Variants in ZNF320 observed in about 807,000 individuals in gnomAD.
ZNF320 encodes zinc finger gene 320.
A neutral mutation model predicts 6.8 loss-of-function variants in ZNF320; 2 were observed. The observed-to-expected ratio is 0.29, with a 90% CI of 0.12 to 0.93. The LOEUF (loss-of-function observed/expected upper bound fraction) is 0.93, where lower values mean the gene tolerates loss of function less well. Among genes scored for constraint, ZNF320 ranks in the 40% least tolerant of loss-of-function variants. The pLI is 0.55. For synonymous variants in ZNF320, 208 were observed against 203.2 expected (o/e 1.02, Z -0.20); for missense variants, 472 against 611.0 (o/e 0.77, Z 2.40).
exon 6 of ZNF320, chr19:52,862,840 G>T (rs768630260): frequency 9.4e-5 from 34 of 359,856 alleles, no homozygotes; most frequent in Non-Finnish European, 1.9e-4. Flanking sequence ...CATTTGTAAG[G>T]TTTCTCTCCA....
At chr19:52,875,902 T>C (rs1293335487), downstream of ZNF320, among the ~76,000 whole-genome samples, 3 of 152,104 alleles carry the variant, frequency 2.0e-5, no homozygotes, top group Non-Finnish European at 4.4e-5. Flanking sequence ...CCCAGAAAAA[T>C]CATAGTAATA....
chr19:52,882,988 C>T (rs148125287), intron 5 of ZNF320, among the ~76,000 whole-genome samples: 7 of 151,522 alleles, frequency 4.6e-5, no homozygotes, highest in African/African-American at 1.7e-4. Context: ...ATAACTGTTA[C>T]AAAATTACCT....
chr19:52,881,818 T>G lies in ZNF320; in HGVS notation c.308A>C (p.Glu103Ala). The G allele has an allele frequency of 6.2e-7, 1 of 1,613,926 alleles. No individual in the cohort carries two copies. ...TGCTTCATGGTCATTTGTTTCATCT[T>G]CTTGCCACTGAAACACAAAGTCATG... ...DIHDFVFQWQ[E>A]DETNDHEAPM... The change falls in exon 6 of 6, where the codon GAA becomes GCA. Residue 103 changes from glutamate (E) to alanine (A), a missense_variant. By Grantham distance (107) the Glu-to-Ala change is moderately radical (BLOSUM62 -1). This residue lies in a region of ZNF320 where 462 missense variants were observed against 559.7 expected (regional missense o/e 0.83). Transcript: ENST00000682928.
At chr19:52,896,364 T>C (rs2064472408) in intron 1 of ZNF320, among the ~76,000 whole-genome samples, 1 of 152,228 alleles carries the variant, frequency 6.6e-6, no homozygotes, top group Non-Finnish European at 1.5e-5. Context: ...GTGCTGGGAT[T>C]ACAGGCATGA....
At chr19:52,897,197 G>A (rs898528885) in intron 1 of ZNF320, among the ~76,000 whole-genome samples, 3 of 152,232 alleles carry the variant, frequency 2.0e-5, no homozygotes, top group African/African-American at 4.8e-5. Context: ...CACAAGGAGG[G>A]AGGTGGGGAG....
downstream of ZNF320, among the ~76,000 whole-genome samples, chr19:52,860,013 C>T (rs576750844): frequency 1.3e-5 from 2 of 151,618 alleles, no homozygotes; most frequent in Non-Finnish European, 2.9e-5. Flanking sequence ...CCCGGGTTCA[C>T]GCCATTCTCC....
chr19:52,865,434 T>TTTTATATATATATATA (rs368584132), intron 5 of ZNF320: 2 of 152,784 alleles, frequency 1.3e-5, no homozygotes, highest in African/African-American at 6.3e-5. Context: ...GGTCCAGGCT[T>TTTTATATATATATATA]TATATATATA....
At chr19:52,872,743 T>C (rs11084200), downstream of ZNF320, among the ~76,000 whole-genome samples, 108,496 of 152,000 alleles carry the variant, frequency 0.71, 39,459 homozygotes, top group African/African-American at 0.75. Flanking sequence ...CCTCGTGATC[T>C]GCCTGCCTCG....
intron 5 of ZNF320, among the ~76,000 whole-genome samples, chr19:52,885,041 A>C (rs2064031805): frequency 6.6e-6 from 1 of 151,784 alleles, no homozygotes; most frequent in South Asian, 2.1e-4. Context: ...GCTAAAAAAA[A>C]ATACAAAAAA....
At chr19:52,868,753 G>C (rs567345790) in intron 5 of ZNF320, among the ~76,000 whole-genome samples, 36 of 152,204 alleles carry the variant, frequency 2.4e-4, no homozygotes, top group African/African-American at 8.4e-4. Context: ...TACTACAAGG[G>C]GGATACAAGC....
chr19:52,893,070 G>A (rs945382077), intron 2 of ZNF320, among the ~76,000 whole-genome samples: 2 of 150,458 alleles, frequency 1.3e-5, no homozygotes, highest in Non-Finnish European at 3.0e-5. Context: ...CATCTGTTAT[G>A]GGCCTTTCTC....
At chr19:52,898,513 A>G (rs2064538117), upstream of ZNF320, among the ~76,000 whole-genome samples, 1 of 152,216 alleles carries the variant, frequency 6.6e-6, no homozygotes, top group Non-Finnish European at 1.5e-5. Flanking sequence ...AAGCATTGAC[A>G]TTGTAACAGT....
At chr19:52,865,332 T>A in intron 5 of ZNF320, 1 of 304,252 alleles carries the variant, frequency 3.3e-6, no homozygotes, top group Non-Finnish European at 6.3e-6. Context: ...CAAATATATA[T>A]ATATGGTCTG....
chr19:52,883,335 C>G (rs1408914339), intron 5 of ZNF320, among the ~76,000 whole-genome samples: 1 of 152,186 alleles, frequency 6.6e-6, no homozygotes, highest in African/African-American at 2.4e-5. Context: ...CCTGGGATTA[C>G]AGGCATGAGC....
chr19:52,866,242 A>G (rs1027605331), intron 5 of ZNF320, among the ~76,000 whole-genome samples: 3 of 146,878 alleles, frequency 2.0e-5, no homozygotes, highest in African/African-American at 7.5e-5. Context: ...ACATATATAT[A>G]TATATAAAAT....
In ZNF320 at chr19:52,886,444, A is replaced by G. The variant is rs114714486; in HGVS notation, c.142+1683T>C. Among the ~76,000 whole-genome samples the G allele has an allele frequency of 6.1e-3, 927 of 152,198 alleles. 8 individuals are homozygous for G. The highest frequency in any genetic ancestry group is 0.02 in the African/African-American group (844 of 41,512). On this transcript the variant is annotated intron_variant, in intron 5 of 5. Transcript: ENST00000682928. ...CACTGCACCTGGCCAGGTTATGGAA[A>G]TTTTAAGCTTCATTATTGTGCTATA...
chr19:52,865,209 C>T (rs2063521445), intron 5 of ZNF320, among the ~76,000 whole-genome samples: 1 of 151,508 alleles, frequency 6.6e-6, no homozygotes, highest in Non-Finnish European at 1.5e-5. Context: ...GTAATCCCAG[C>T]TACTGGGGAG....
chr19:52,869,875 CT>C (rs2063648642), intron 5 of ZNF320, among the ~76,000 whole-genome samples: 1 of 152,074 alleles, frequency 6.6e-6, no homozygotes, highest in African/African-American at 2.4e-5. Context: ...GCCACCACAT[CT>C]GGCTAATGTT....
chr19:52,874,262 T>C (rs1019845927), downstream of ZNF320: 10 of 180,012 alleles, frequency 5.6e-5, no homozygotes, highest in African/African-American at 2.4e-4. Context: ...CATTTTCAGA[T>C]CTTTCTCCCC....
Sources: gnomAD v4.1 joint callset for allele counts (sites outside exome capture counted in the v4.1 genomes callset) on GRCh38, gnomAD v4.1.1 for gene constraint, gnomAD v4.1.1 regional missense constraint, MANE v1.5 for transcripts, NCBI Gene and HGNC (gene_info 2026-07-23, HGNC 2026-07-21) for gene names.